UNC13A: variants seen among roughly 807,000 people sequenced by gnomAD.
The protein encoded by UNC13A is unc-13 homolog A.
In UNC13A, 61 loss-of-function variants were observed where a neutral mutation model predicts 219.7. That is an observed-to-expected ratio of 0.28 (90% CI 0.23 to 0.34). UNC13A has a LOEUF of 0.34. Ranked by LOEUF, UNC13A falls within the 10% of genes least tolerant of loss-of-function variation. The pLI, the probability that UNC13A is intolerant of heterozygous loss-of-function variation, is 1.00. For missense variants in UNC13A, 1,476 were observed against 2,270.3 expected (o/e 0.65, Z 7.11); for synonymous variants, 920 against 884.6 (o/e 1.04, Z -0.71).
At chr19:17,622,025 C>T (rs546241914) in intron 36 of UNC13A, 155 bp from the exon 37 acceptor site, 2 of 742,992 alleles carry the variant, frequency 2.7e-6, no homozygotes, top group Non-Finnish European at 4.7e-6. Flanking sequence ...GTGTGTGTGT[C>T]TGTGTGTGTG....
At chr19:17,638,452 A>G (rs1026384244) in intron 25 of UNC13A, among the ~76,000 whole-genome samples, 4 of 149,994 alleles carry the variant, frequency 2.7e-5, no homozygotes, top group Non-Finnish European at 4.4e-5. Context: ...TGGGCAACAG[A>G]GCAAGACCCC....
At chr19:17,666,908 GAGAAAGAC>G (rs1199268967) in intron 6 of UNC13A, among the ~76,000 whole-genome samples, 23 of 20,664 alleles carry the variant, frequency 1.1e-3, no homozygotes, top group Non-Finnish European at 3.9e-3. Flanking sequence ...GAGAGAGAGA[GAGAAAGAC>G]AGAGACAGAG....
chr19:17,616,524 AC>A lies in UNC13A; in HGVS notation c.4558+1177del, dbSNP rs1379647512. 9.5e-6 allele frequency: 6 copies of A among 632,830 alleles called. No homozygotes were observed. The Admixed American group carries it at 1.3e-4, about 14-fold the overall frequency. 39.2% of individuals were successfully genotyped at this position (632,830 alleles called of 1,614,324 possible). Reference sequence around the variant, plus strand: ...TGGGAAGCATGGGGAGCGGGGAGAGACGAGCCAGTGAGAGGTGAGGATGGAG... The same window carrying A: ...TGGGAAGCATGGGGAGCGGGGAGAGAGAGCCAGTGAGAGGTGAGGATGGAG... On this transcript the variant is annotated intron_variant, in intron 41 of 43. Transcript: ENST00000519716.
chr19:17,613,715 T>C (rs888806427), intron 41 of UNC13A: 27 of 150,454 alleles, frequency 1.8e-4, no homozygotes, highest in African/African-American at 6.3e-4. Context: ...TTTTTTTTTT[T>C]TTTTTTTTTC....
chr19:17,637,598 G>A (rs2076926373), intron 25 of UNC13A, among the ~76,000 whole-genome samples: 1 of 152,032 alleles, frequency 6.6e-6, no homozygotes, highest in South Asian at 2.1e-4. Flanking sequence ...GTGCCTGGCC[G>A]TCAAGAACAA....
rs201614698 is a variant in UNC13A, at chr19:17,658,207, T to C, written c.622A>G (p.Ser208Gly). Residue 208 changes from serine (S) to glycine (G), a missense_variant, in exon 9 of 44, where the codon AGC becomes GGC. Transcript: ENST00000519716. ...GTAGTATAATAGGGCGGCGGGATGC[T>C]GTTGCTCGTTTCACTGCGGTAGTCA... ...DSDYRSETSNSIPPPYYTTSQ... is the reference protein window; with the variant it reads ...DSDYRSETSNGIPPPYYTTSQ... 9.9e-6 allele frequency: 16 copies of C among 1,613,852 alleles called. No individual in the cohort carries two copies. In the Admixed American group the frequency reaches 2.3e-4, roughly 24 times the overall value.
Position 17,636,042 on chromosome 19 carries a change from T to C in UNC13A, c.3197A>G (p.Tyr1066Cys). ...VSIIEEDKNSYTPCLNQFPQE... is the reference protein window; with the variant it reads ...VSIIEEDKNSCTPCLNQFPQE... ...AACTCACTGGTTGAGGCAGGGAGTGTAGGAATTCTTGTCTTCCTCAATGAT... is the reference window on the plus strand; with the variant it reads ...AACTCACTGGTTGAGGCAGGGAGTGCAGGAATTCTTGTCTTCCTCAATGAT... Residue 1066 changes from tyrosine (Y) to cysteine (C), a missense_variant, in exon 26 of 44, where the codon TAC (tyrosine) becomes TGC (cysteine). Physicochemically the swap from Tyr to Cys is radical, Grantham distance 194 (BLOSUM62 -2). Coordinates refer to ENST00000519716, the MANE Select transcript of UNC13A (RefSeq NM_001080421.3). The C allele has an allele frequency of 6.2e-7, 1 of 1,612,330 alleles. No individual in the cohort carries two copies. Among genetic ancestry groups the C allele is most frequent in the Non-Finnish European group, 8.5e-7 (1 of 1,178,796 alleles).
chr19:17,613,373 C>T (rs937295609), intron 41 of UNC13A, among the ~76,000 whole-genome samples: 24 of 152,154 alleles, frequency 1.6e-4, no homozygotes, highest in African/African-American at 5.3e-4. Flanking sequence ...CCCGCCACTG[C>T]ACTTCAGTCT....
rs925014869 is a variant in UNC13A at position 17,606,350 on chromosome 19, G to C, written c.4816C>G (p.Leu1606Val). 2.7e-5 allele frequency: 41 copies of C among 1,543,774 alleles called. No homozygotes were observed. The highest frequency in any genetic ancestry group is 3.3e-5 in the Non-Finnish European group (38 of 1,146,940). Residue 1606 changes from leucine to valine, a missense_variant, in exon 44 of 44, where the codon CTG becomes GTG. Leu to Val is a conservative substitution (Grantham distance 32). Coordinates refer to ENST00000519716, the MANE Select transcript of UNC13A (RefSeq NM_001080421.3). ...CACTCGGGACCCGCGTCGGCGCTCAGCGTGCTGCGTGGGGAGGGGCGGAAC... is the reference window on the plus strand; with the variant it reads ...CACTCGGGACCCGCGTCGGCGCTCACCGTGCTGCGTGGGGAGGGGCGGAAC... ...PKYNESFQFTLSADAGPECYE... is the reference protein window; with the variant it reads ...PKYNESFQFTVSADAGPECYE...
At chr19:17,625,091 T>C in intron 34 of UNC13A, 139 bp from the exon 35 acceptor site, 1 of 1,319,580 alleles carries the variant, frequency 7.6e-7, no homozygotes, top group Non-Finnish European at 1.0e-6. Flanking sequence ...GGTGGTTTGA[T>C]GGGGCTATGA....
chr19:17,633,871 A>G (rs1219267133), intron 26 of UNC13A, among the ~76,000 whole-genome samples: 1 of 150,492 alleles, frequency 6.6e-6, no homozygotes, highest in African/African-American at 2.5e-5. Flanking sequence ...CTACCCATCT[A>G]TCTATTCATC....
Position 17,648,430 on chromosome 19 carries a change from C to T in UNC13A, c.1816+1G>A. 1 of 1,588,702 alleles carries T rather than the reference C, an allele frequency of 6.3e-7. No homozygotes were observed. Among genetic ancestry groups the T allele is most frequent in the African/African-American group, 1.3e-5 (1 of 74,704 alleles). ...GCCCTGCGCTCAGGCCCTGCGCTCA[C>T]GCTGCAGGCAGTCGGCGTTGAGCAG... On this transcript the variant is annotated splice_donor_variant, in intron 16 of 43. Transcript: ENST00000519716. LOFTEE classifies it high-confidence loss of function.
At position 17,627,300 on chromosome 19, in the gene UNC13A, TA is replaced by T. The variant is rs879488279; in HGVS notation, c.3920+208del. 1.8e-3 allele frequency among the ~76,000 whole-genome samples: 254 copies of T among 143,340 alleles called. 1 individual carries two copies. Among genetic ancestry groups the T allele is most frequent in the South Asian group, 6.8e-3 (31 of 4,582 alleles). The allele number at this position is 143,340 out of a possible 152,430, so 94.0% of individuals were successfully genotyped here. On this transcript the variant is annotated intron_variant, in intron 33 of 43. Coordinates refer to ENST00000519716, the MANE Select transcript of UNC13A (RefSeq NM_001080421.3). This position sits in a 1 kb window ranked among gnomAD's most constrained non-coding sequence, Gnocchi z 4.7. ...TCATCACCCCAAATTTACAGAGCAA[TA>T]AAAAAAAAAATAAGGCTCAGAGAAG...
At chr19:17,644,676 C>T (rs993582817) in intron 19 of UNC13A, among the ~76,000 whole-genome samples, 1 of 150,500 alleles carries the variant, frequency 6.6e-6, no homozygotes, top group Non-Finnish European at 1.5e-5. Flanking sequence ...GGATTATAGG[C>T]GTGAGACACT....
Position 17,602,766 on chromosome 19 carries a change from G to T in UNC13A, c.*3288C>A, listed in dbSNP as rs578196504. 1.3e-5 allele frequency: 2 copies of T among 152,458 alleles called. No individual in the cohort carries two copies. The highest frequency in any genetic ancestry group is 4.1e-4 in the South Asian group (2 of 4,836). 9.4% of individuals were successfully genotyped at this position (152,458 alleles called of 1,614,324 possible). ...ATGTGCCCAGGTCCGTGTGGAAGGG[G>T]AAGGTTGGTACGGACAGACATGGAC... On this transcript the variant is annotated 3_prime_UTR_variant, in exon 44 of 44. Transcript: ENST00000519716.
Position 17,604,794 on chromosome 19 carries a change from C to A in UNC13A, c.*1260G>T, listed in dbSNP as rs2144891872. On this transcript the variant is annotated 3_prime_UTR_variant, in exon 44 of 44. Transcript: ENST00000519716. ...GAGGGCCATCTGAGGTATCCTGTGGCTTGGGTGTTTGAATCAATGAATAGG... is the reference window on the plus strand; with the variant it reads ...GAGGGCCATCTGAGGTATCCTGTGGATTGGGTGTTTGAATCAATGAATAGG... 6.6e-6 allele frequency: 1 copy of A among 152,356 alleles called. No individual in the cohort carries two copies. The highest frequency in any genetic ancestry group is 1.5e-5 in the Non-Finnish European group (1 of 68,060). 9.4% of individuals were successfully genotyped at this position (152,356 alleles called of 1,614,324 possible).
At chr19:17,657,321 TCTTC>T (rs539720315) in intron 9 of UNC13A, among the ~76,000 whole-genome samples, 2 of 152,194 alleles carry the variant, frequency 1.3e-5, no homozygotes, top group South Asian at 4.1e-4. Flanking sequence ...TGCCGTGGTC[TCTTC>T]CTTGTCTGCT....
Position 17,630,381 on chromosome 19 carries a change from G to C in UNC13A, c.3526-93C>G. ...CCCACTCTCCACGGGGAGAGCCAGA[G>C]ACCAATTTCCCCGGGGTGAGATGGA... On this transcript the variant is annotated intron_variant, in intron 29 of 43. Coordinates refer to ENST00000519716, the MANE Select transcript of UNC13A (RefSeq NM_001080421.3). 3 of 1,510,448 alleles carry C rather than the reference G, an allele frequency of 2.0e-6. No homozygotes were observed. In the South Asian group the frequency reaches 3.8e-5, roughly 19 times the overall value. 93.6% of individuals were successfully genotyped at this position (1,510,448 alleles called of 1,614,324 possible). A position where few individuals can be genotyped will look rare whatever the true frequency, so the allele number is the denominator to read the frequency against.
chr19:17,665,540 C>A (rs1290584103), intron 7 of UNC13A, among the ~76,000 whole-genome samples: 1 of 152,160 alleles, frequency 6.6e-6, no homozygotes, highest in Non-Finnish European at 1.5e-5. Context: ...AAGTTGGAGT[C>A]CCTCAGACCT....
Sources: gnomAD v4.1 joint callset for allele counts (sites outside exome capture counted in the v4.1 genomes callset) on GRCh38, gnomAD v4.1.1 for gene constraint, Gnocchi (gnomAD v3.1) non-coding constraint, MANE v1.5 for transcripts, NCBI Gene and HGNC (gene_info 2026-07-23, HGNC 2026-07-21) for gene names.